MAD2L2: variants seen among roughly 807,000 people sequenced by gnomAD.
The protein encoded by MAD2L2 is mitotic arrest deficient 2 like 2.
Under a neutral mutation model 30.5 loss-of-function variants are expected in MAD2L2, and 17 were observed. That is an observed-to-expected ratio of 0.56 (90% CI 0.38 to 0.84). The LOEUF is 0.84. Ranked by LOEUF, MAD2L2 falls within the 40% of genes least tolerant of loss-of-function variation. The pLI is 0.00. For synonymous variants in MAD2L2, 101 were observed against 113.9 expected (o/e 0.89, Z 0.72); for missense variants, 213 against 277.4 (o/e 0.77, Z 1.65).
chr1:11,680,410 G>T lies in MAD2L2; in HGVS notation c.102C>A (p.Arg34=). The T allele has an allele frequency of 6.2e-7, 1 of 1,613,974 alleles. No individual in the cohort carries two copies. The highest frequency in any genetic ancestry group is 8.5e-7 in the Non-Finnish European group (1 of 1,179,970). Residue 34 remains arginine (R), a synonymous_variant, in exon 3 of 9, where the codon CGC becomes CGA. Coordinates refer to ENST00000376692, the MANE Select transcript of MAD2L2 (RefSeq NM_006341.4). ...GGAAGATGCCCACGGGGTAGACCTC[G>T]CGCACGTAGAGGATGAGATGCACAG... ...EVAVHLILYV[R]EVYPVGIFQK...
intron 3 of MAD2L2, among the ~76,000 whole-genome samples, 197 bp downstream of exon 3, chr1:11,680,156 C>T (rs1316188340): frequency 1.3e-5 from 2 of 151,632 alleles, no homozygotes; most frequent in African/African-American, 2.4e-5. Flanking sequence ...CCACCACGCC[C>T]GGCTAATTTT....
rs760177134 is a variant in MAD2L2 at position 11,690,084 on chromosome 1, T to A, written c.-692+1329A>T. Among the ~76,000 whole-genome samples, 1 of 152,122 alleles carries A rather than the reference T, an allele frequency of 6.6e-6. No individual in the cohort carries two copies. The highest frequency in any genetic ancestry group is 2.4e-5 in the African/African-American group (1 of 41,422). On this transcript the variant is annotated intron_variant, in intron 1 of 10. Coordinates refer to the MAD2L2 transcript ENST00000235310. This position sits in a 1 kb window ranked among gnomAD's most constrained non-coding sequence, Gnocchi z 4.2. ...TTATGTAAAACAACACCTCGTCCCT[T>A]CATGCTTTGTCTGTAATGTGCTTTA...
rs57223755 is a variant in MAD2L2 at position 11,690,929 on chromosome 1, A to AGTGTGT, written c.-692+478_-692+483dup. ...CGTGGCGAGAGCCGCGCCGCGTGTG[A>AGTGTGT]GTGTGTGTGTGTGTGTGTTTGTGTG... On this transcript the variant is annotated intron_variant, in intron 1 of 10. Transcript: ENST00000235310. The surrounding 1 kb of genome is among the most constrained non-coding windows in gnomAD (Gnocchi z 4.2). Among the ~76,000 whole-genome samples the AGTGTGT allele has an allele frequency of 6.6e-6, 1 of 150,552 alleles. No individual in the cohort carries two copies. Among genetic ancestry groups the AGTGTGT allele is most frequent in the African/African-American group, 2.4e-5 (1 of 40,910 alleles).
Position 11,676,073 on chromosome 1 carries a change from C to T in MAD2L2, c.400G>A (p.Asp134Asn), listed in dbSNP as rs1570284833. 5 of 1,613,128 alleles carry T rather than the reference C, an allele frequency of 3.1e-6. No homozygotes were observed. The highest frequency in any genetic ancestry group is 4.2e-6 in the Non-Finnish European group (5 of 1,179,714). The part of the protein sequence containing the change: ...RAFILKISVC[D>N]AVLDHNPPGC... ...GGGGGGTTGTGGTCCAGGACGGCAT[C>T]GCACACGCTGATCTTCAGGATGAAG... Residue 134 changes from aspartate (D) to asparagine (N), a missense_variant, in exon 6 of 9, where the codon GAT becomes AAT. By Grantham distance (23) the Asp-to-Asn change is conservative. Coordinates refer to ENST00000376692, the MANE Select transcript of MAD2L2 (RefSeq NM_006341.4).
rs1160617516 is a variant in MAD2L2, at chr1:11,677,585, A to G, written c.189T>C (p.Tyr63=). 39 of 1,613,568 alleles carry G rather than the reference A, an allele frequency of 2.4e-5. No individual in the cohort carries two copies. The highest frequency in any genetic ancestry group is 3.1e-5 in the Non-Finnish European group (37 of 1,179,982). ...QMSCHPELNQ[Y]IQDTLHCVKP... is the part of the protein sequence containing the mutation. Reference sequence around the variant, plus strand: ...TGACGCAGTGCAGCGTGTCCTGGATATACTGATTCAGCTCCGGGTGGCAGG... The same window carrying G: ...TGACGCAGTGCAGCGTGTCCTGGATGTACTGATTCAGCTCCGGGTGGCAGG... Residue 63 remains tyrosine (Y), a synonymous_variant, in exon 4 of 9, where the codon TAT becomes TAC. Coordinates refer to ENST00000376692, the MANE Select transcript of MAD2L2 (RefSeq NM_006341.4).
intron 4 of MAD2L2, chr1:11,677,218 G>T: frequency 1.7e-6 from 1 of 602,306 alleles, no homozygotes; most frequent in Non-Finnish European, 2.9e-6. Flanking sequence ...GAAACCCTGA[G>T]GGGCTCAGCT....
chr1:11,674,995 G>T lies in MAD2L2; in HGVS notation c.594+87C>A. On this transcript the variant is annotated intron_variant, in intron 8 of 8. Coordinates refer to ENST00000376692, the MANE Select transcript of MAD2L2 (RefSeq NM_006341.4). This position sits in a 1 kb window ranked among gnomAD's most constrained non-coding sequence, Gnocchi z 6.1. ...ACCAGGCACTCCCCCGTTCTCTCCCGCAAGCCCTCTAGTAAGGCCTCAGCA... is the reference window on the plus strand; with the variant it reads ...ACCAGGCACTCCCCCGTTCTCTCCCTCAAGCCCTCTAGTAAGGCCTCAGCA... The T allele has an allele frequency of 3.8e-6, 5 of 1,317,500 alleles. No homozygotes were observed. Among genetic ancestry groups the T allele is most frequent in the East Asian group, 2.3e-5 (1 of 42,908 alleles). The allele number at this position is 1,317,500 out of a possible 1,614,324, so 81.6% of individuals were successfully genotyped here. A position where few individuals can be genotyped will look rare whatever the true frequency, so the allele number is the denominator to read the frequency against.
At position 11,674,672 on chromosome 1, in the gene MAD2L2, G is replaced by C. The variant is rs1640725706; in HGVS notation, c.*103C>G. ...TGGGGCGGGCGATCCACACACAGAGGCGATAAGAGCACTTGGAATCAGGGC... is the reference window on the plus strand; with the variant it reads ...TGGGGCGGGCGATCCACACACAGAGCCGATAAGAGCACTTGGAATCAGGGC... On this transcript the variant is annotated 3_prime_UTR_variant, in exon 9 of 9. Coordinates refer to ENST00000376692, the MANE Select transcript of MAD2L2 (RefSeq NM_006341.4). The surrounding 1 kb of genome is among the most constrained non-coding windows in gnomAD (Gnocchi z 6.1). The C allele has an allele frequency of 8.0e-7, 1 of 1,246,294 alleles. No homozygotes were observed. The highest frequency in any genetic ancestry group is 1.2e-6 in the Non-Finnish European group (1 of 858,324). 77.2% of individuals were successfully genotyped at this position (1,246,294 alleles called of 1,614,324 possible).
At chr1:11,683,576 A>G (rs572541807), upstream of MAD2L2, among the ~76,000 whole-genome samples, 1 of 152,238 alleles carries the variant, frequency 6.6e-6, no homozygotes, top group East Asian at 1.9e-4. Context: ...AAGACTACAT[A>G]CTGGGTACAG....
upstream of MAD2L2, chr1:11,681,660 G>C (rs1478139104): frequency 3.9e-5 from 6 of 152,210 alleles, no homozygotes; most frequent in Non-Finnish European, 8.8e-5. Flanking sequence ...CGCCCCCACC[G>C]GGTACCTAAA....
In MAD2L2 at chr1:11,687,056, T is replaced by C. The variant is rs9430609; in HGVS notation, c.-692+4357A>G. Among the ~76,000 whole-genome samples, 25,254 of 151,860 alleles carry C rather than the reference T, an allele frequency of 0.17. 3,355 individuals are homozygous for C. Among genetic ancestry groups the C allele is most frequent in the African/African-American group, 0.37 (15,400 of 41,380 alleles). ...ACTTTCTGTTCTATGGATTGTCCAA[T>C]TTTTTTATTTTTTTATTTTATTTTT... On this transcript the variant is annotated intron_variant, in intron 1 of 10. Transcript: ENST00000235310. This position sits in a 1 kb window ranked among gnomAD's most constrained non-coding sequence, Gnocchi z 4.1.
At chr1:11,680,638 G>C (rs554466066) in intron 1 of MAD2L2, 25 bp from the exon 2 acceptor site, 1 of 1,525,270 alleles carries the variant, frequency 6.6e-7, no homozygotes, top group Admixed American at 2.1e-5. Context: ...AAGGGCAGAG[G>C]GTAGTTCCAG....
At chr1:11,680,025 C>T (rs7534880) in intron 3 of MAD2L2, among the ~76,000 whole-genome samples, 26,230 of 118,426 alleles carry the variant, frequency 0.22, 3,381 homozygotes, top group Middle Eastern at 0.34. Flanking sequence ...GACGGAGTTT[C>T]GCTCTTGTCA....
At position 11,677,574 on chromosome 1, in the gene MAD2L2, G is replaced by A. The variant is rs377687352; in HGVS notation, c.200C>T (p.Thr67Met). The change falls in exon 4 of 9, where the codon ACG becomes ATG. Residue 67 changes from threonine (T) to methionine (M), a missense_variant. Thr to Met is a moderately conservative substitution (Grantham distance 81). Transcript: ENST00000376692. Reference sequence around the variant, plus strand: ...CAGGAGTGGCTTGACGCAGTGCAGCGTGTCCTGGATATACTGATTCAGCTC... The same window carrying A: ...CAGGAGTGGCTTGACGCAGTGCAGCATGTCCTGGATATACTGATTCAGCTC... ...HPELNQYIQD[T>M]LHCVKPLLEK... is the part of the protein sequence containing the mutation. 28 of 1,613,670 alleles carry A rather than the reference G, an allele frequency of 1.7e-5. No homozygotes were observed. Among genetic ancestry groups the A allele is most frequent in the Non-Finnish European group, 2.4e-5 (28 of 1,180,004 alleles).
intron 3 of MAD2L2, among the ~76,000 whole-genome samples, chr1:11,679,387 T>C (rs893397527): frequency 6.6e-6 from 1 of 152,206 alleles, no homozygotes; most frequent in Admixed American, 6.5e-5. Flanking sequence ...CGATGCACAC[T>C]GCTTTGTCTG....
At chr1:11,676,541 T>C (rs914353479) in intron 5 of MAD2L2, among the ~76,000 whole-genome samples, 5 of 152,172 alleles carry the variant, frequency 3.3e-5, no homozygotes, top group Admixed American at 1.3e-4. Context: ...ATTGGAAGCA[T>C]GCAGTTGACC....
At chr1:11,691,697 C>T (rs1308313943), upstream of MAD2L2, 1 of 148,666 alleles carries the variant, frequency 6.7e-6, no homozygotes, top group African/African-American at 2.5e-5. Flanking sequence ...CCCGCCCACT[C>T]CCCCTTCCTT....
Position 11,688,135 on chromosome 1 carries a change from C to T in MAD2L2, c.-692+3278G>A, listed in dbSNP as rs926842266. On this transcript the variant is annotated intron_variant, in intron 1 of 10. Coordinates refer to the MAD2L2 transcript ENST00000235310. This position sits in a 1 kb window ranked among gnomAD's most constrained non-coding sequence, Gnocchi z 4.6. The stretch of plus-strand genomic sequence containing the variant: ...TGGCCCACAGCTCTATCCTTGGCGA[C>T]GCAAATCATGCTGGCTGCACACTGC... Among the ~76,000 whole-genome samples the T allele has an allele frequency of 5.3e-5, 8 of 152,308 alleles. No individual in the cohort carries two copies. Among genetic ancestry groups the T allele is most frequent in the Middle Eastern group, 6.8e-3 (2 of 294 alleles).
rs137870859 is a variant in MAD2L2 at position 11,688,866 on chromosome 1, G to A, written c.-692+2547C>T. Among the ~76,000 whole-genome samples the A allele has an allele frequency of 6.6e-6, 1 of 152,160 alleles. No individual in the cohort carries two copies. Among genetic ancestry groups the A allele is most frequent in the Admixed American group, 6.5e-5 (1 of 15,280 alleles). ...TGATAAAACAGTTTGCAGTAAGGAAGCCTGTCAAAACCCACCAAAAGCAAG... is the reference window on the plus strand; with the variant it reads ...TGATAAAACAGTTTGCAGTAAGGAAACCTGTCAAAACCCACCAAAAGCAAG... On this transcript the variant is annotated intron_variant, in intron 1 of 10. Coordinates refer to the MAD2L2 transcript ENST00000235310. The surrounding 1 kb of genome is among the most constrained non-coding windows in gnomAD (Gnocchi z 4.6).
Sources: gnomAD v4.1 joint callset for allele counts (sites outside exome capture counted in the v4.1 genomes callset) on GRCh38, gnomAD v4.1.1 for gene constraint, Gnocchi (gnomAD v3.1) non-coding constraint, MANE v1.5 for transcripts, NCBI Gene and HGNC (gene_info 2026-07-23, HGNC 2026-07-21) for gene names.